Variants in KLHL11 observed in about 807,000 individuals in gnomAD.
KLHL11 encodes kelch like family member 11, also known as kelch-like protein 11.
Under a neutral mutation model 56.1 loss-of-function variants are expected in KLHL11, and 26 were observed. The ratio of observed to expected loss-of-function variants is 0.46; its 90% confidence interval spans 0.34 to 0.64. KLHL11 has a LOEUF of 0.64. Ranked by LOEUF, KLHL11 falls within the 30% of genes least tolerant of loss-of-function variation. The probability of loss-of-function intolerance (pLI) is 0.01; values close to 1 mark genes in which losing one functional copy is unlikely to be tolerated. For missense variants in KLHL11, 627 were observed against 919.4 expected, an observed-to-expected ratio of 0.68 and a Z score of 4.11; for synonymous variants, 338 against 345.8, an observed-to-expected ratio of 0.98 and a Z score of 0.25.
chr17:41,865,138 G>A lies in KLHL11; in HGVS notation c.233C>T (p.Ser78Leu). The A allele has an allele frequency of 6.2e-7, 1 of 1,610,348 alleles. No individual in the cohort carries two copies. Among genetic ancestry groups the A allele is most frequent in the Non-Finnish European group, 8.5e-7 (1 of 1,179,028 alleles). Residue 78 changes from serine to leucine, a missense_variant, in exon 1 of 2, where the codon TCA (serine) becomes TTA (leucine). Ser to Leu is a moderately radical substitution (Grantham distance 145, BLOSUM62 -2). Transcript: ENST00000319121. Reference protein sequence around the residue: ...AEDFECSSHCSELSWRQNEQR... With the variant: ...AEDFECSSHCLELSWRQNEQR... ...CTCGTTCTGCCGCCAGGACAGCTCT[G>A]AGCAGTGAGAGCTGCACTCGAAATC... is the stretch of plus-strand genomic sequence containing the variant.
chr17:41,862,454 G>A (rs372032089), intron 1 of KLHL11, among the ~76,000 whole-genome samples: 1 of 68,548 alleles, frequency 1.5e-5, no homozygotes, highest in African/African-American at 5.4e-5. Context: ...TTTTTTTTTT[G>A]TATTTTTAGT....
chr17:41,861,939 C>G (rs2048406056), intron 1 of KLHL11, among the ~76,000 whole-genome samples: 2 of 152,134 alleles, frequency 1.3e-5, no homozygotes, highest in Non-Finnish European at 2.9e-5. Flanking sequence ...GTTTCTGATC[C>G]TCTTTATAAA....
chr17:41,864,662 C>T (rs781862929), intron 1 of KLHL11, among the ~76,000 whole-genome samples, 164 bp downstream of exon 1: 92 of 152,390 alleles, frequency 6.0e-4, no homozygotes, highest in Middle Eastern at 3.4e-3. Flanking sequence ...TCCTCCTCGC[C>T]CACCGCGGTG....
chr17:41,857,150 C>T (rs750692452), intron 1 of KLHL11, among the ~76,000 whole-genome samples: 1 of 151,840 alleles, frequency 6.6e-6, no homozygotes, highest in Non-Finnish European at 1.5e-5. Context: ...AAGCTATAAT[C>T]GTGCCTGTGA....
rs1597945824 is a variant in KLHL11, at chr17:41,853,607, A to G, written c.*133T>C. ...CTCCCATTCTTTAGTTTTTAACTCT[A>G]TTTCCTTTATATGGGGTAATAATCA... On this transcript the variant is annotated 3_prime_UTR_variant, in exon 2 of 2. Coordinates refer to ENST00000319121, the MANE Select transcript of KLHL11 (RefSeq NM_018143.3). 1 of 1,066,994 alleles carries G rather than the reference A, an allele frequency of 9.4e-7. No individual in the cohort carries two copies. The highest frequency in any genetic ancestry group is 1.3e-6 in the Non-Finnish European group (1 of 764,850). 66.1% of individuals were successfully genotyped at this position (1,066,994 alleles called of 1,614,324 possible).
Position 41,865,322 on chromosome 17 carries a change from A to C in KLHL11, c.49T>G (p.Ser17Ala). The C allele has an allele frequency of 6.8e-7, 1 of 1,480,242 alleles. No individual in the cohort carries two copies. Among genetic ancestry groups the C allele is most frequent in the Non-Finnish European group, 8.8e-7 (1 of 1,130,882 alleles). 91.7% of individuals were successfully genotyped at this position (1,480,242 alleles called of 1,614,324 possible). A position where few individuals can be genotyped will look rare whatever the true frequency, so the allele number is the denominator to read the frequency against. ...AAAAAAAAAA[S>A]LQVLEMESME... ...CTCTCCATCTCCAGTACCTGAAGAG[A>C]TGCAGCCGCGGCCGCCGCCGCCGCC... Residue 17 changes from serine to alanine, a missense_variant, in exon 1 of 2, where the codon TCT (serine) becomes GCT (alanine). Around this residue, in one of 4 missense-constraint regions of KLHL11, gnomAD observed 121 missense variants for 116.2 expected, o/e 1.04. Transcript: ENST00000319121.
At chr17:41,856,870 A>G (rs1555622604) in intron 1 of KLHL11, among the ~76,000 whole-genome samples, 6 of 151,804 alleles carry the variant, frequency 4.0e-5, no homozygotes. Flanking sequence ...AAATACAAAA[A>G]TTAGCTGGGC....
intron 1 of KLHL11, among the ~76,000 whole-genome samples, chr17:41,864,016 C>T (rs1463269274): frequency 6.6e-6 from 1 of 152,212 alleles, no homozygotes; most frequent in African/African-American, 2.4e-5. Context: ...GGACTTTTGT[C>T]TGTTTTGATC....
chr17:41,859,423 G>T (rs1597949731), intron 1 of KLHL11, among the ~76,000 whole-genome samples: 1 of 152,022 alleles, frequency 6.6e-6, no homozygotes, highest in African/African-American at 2.4e-5. Flanking sequence ...AAATTAGCTG[G>T]GCGTGGTGGC....
Position 41,849,697 on chromosome 17 carries a change from A to G in KLHL11, c.*4043T>C, listed in dbSNP as rs1229221233. 3 of 152,226 alleles carry G rather than the reference A, an allele frequency of 2.0e-5. No homozygotes were observed. The highest frequency in any genetic ancestry group is 2.9e-5 in the Non-Finnish European group (2 of 68,028). The allele number at this position is 152,226 out of a possible 1,614,324, so 9.4% of individuals were successfully genotyped here. On this transcript the variant is annotated 3_prime_UTR_variant, in exon 2 of 2. Transcript: ENST00000319121. ...AAGATATTTTTGAACTGGCACAGCA[A>G]AAGCAAAGTTGAACATCATGATACA...
Position 41,854,942 on chromosome 17 carries a change from C to G in KLHL11, c.925G>C (p.Glu309Gln). The G allele has an allele frequency of 6.2e-7, 1 of 1,614,212 alleles. No homozygotes were observed. ...PTYLTRHVKP[E>Q]RLVANNEVCV... ...ACTTCATTATTGGCTACCAGCCTCT[C>G]TGGTTTGACATGTCGAGTAAGGTAG... The change falls in exon 2 of 2, where the codon GAG becomes CAG. Residue 309 changes from glutamate to glutamine, a missense_variant. Glu to Gln is a conservative substitution (Grantham distance 29). This residue lies in a region of KLHL11 where 106 missense variants were observed against 227.0 expected (regional missense o/e 0.47). Transcript: ENST00000319121. This position sits in a 1 kb window ranked among gnomAD's most constrained non-coding sequence, Gnocchi z 4.9.
intron 1 of KLHL11, among the ~76,000 whole-genome samples, chr17:41,859,177 T>C (rs1347177817): frequency 1.3e-5 from 2 of 152,062 alleles, no homozygotes; most frequent in Non-Finnish European, 2.9e-5. Context: ...CTGAATTGGG[T>C]TCTCATCAAA....
chr17:41,854,988 C>T lies in KLHL11; in HGVS notation c.879G>A (p.Arg293=), dbSNP rs781898129. Residue 293 remains arginine, a synonymous_variant, in exon 2 of 2, where the codon AGG becomes AGA. Coordinates refer to ENST00000319121, the MANE Select transcript of KLHL11 (RefSeq NM_018143.3). This position sits in a 1 kb window ranked among gnomAD's most constrained non-coding sequence, Gnocchi z 4.9. ...RYFEELFKLL[R]LSQMKPTYLT... is the part of the protein sequence containing the mutation. The stretch of plus-strand genomic sequence containing the variant: ...GGTAGGTAGGTTTCATCTGGGACAA[C>T]CTGAGCAATTTAAAAAGTTCTTCAA... The T allele has an allele frequency of 1.9e-6, 3 of 1,613,998 alleles. No homozygotes were observed. Among genetic ancestry groups the T allele is most frequent in the South Asian group, 1.1e-5 (1 of 91,090 alleles).
Position 41,854,050 on chromosome 17 carries a change from T to G in KLHL11, c.1817A>C (p.Tyr606Ser). The change falls in exon 2 of 2, where the codon TAT becomes TCT. Residue 606 changes from tyrosine (Y) to serine (S), a missense_variant. Coordinates refer to ENST00000319121, the MANE Select transcript of KLHL11 (RefSeq NM_018143.3). The surrounding 1 kb of genome is among the most constrained non-coding windows in gnomAD (Gnocchi z 4.9). The part of the protein sequence containing the change: ...VLSIEGAAIC[Y>S]YKDDVFIIGG... Reference sequence around the variant, plus strand: ...TATAATGAAGACATCATCTTTGTAATAGCAAATGGCTGCTCCTTCGATGCT... The same window carrying G: ...TATAATGAAGACATCATCTTTGTAAGAGCAAATGGCTGCTCCTTCGATGCT... 6.2e-7 allele frequency: 1 copy of G among 1,614,200 alleles called. No homozygotes were observed. The highest frequency in any genetic ancestry group is 8.5e-7 in the Non-Finnish European group (1 of 1,180,014).
At position 41,851,944 on chromosome 17, in the gene KLHL11, GCTAA is replaced by G. The variant is rs1555622057; in HGVS notation, c.*1792_*1795del. 6.6e-6 allele frequency among the ~76,000 whole-genome samples: 1 copy of G among 151,736 alleles called. No homozygotes were observed. The highest frequency in any genetic ancestry group is 1.9e-4 in the East Asian group (1 of 5,180). Reference sequence around the variant, plus strand: ...AAAAAAAAAAAAAGTCAATTTGAGTGCTAACTTTTATAAAGCTCAGGAGACATAA... The same window carrying G: ...AAAAAAAAAAAAAGTCAATTTGAGTGCTTTTATAAAGCTCAGGAGACATAA... On this transcript the variant is annotated 3_prime_UTR_variant, in exon 2 of 2. Transcript: ENST00000319121.
chr17:41,852,654 G>C lies in KLHL11; in HGVS notation c.*1086C>G, dbSNP rs183198604. ...AAAAGCACAAAAATTAGCCAGGCGTGATGGTGGGTACCTGTAATCCCAGCT... is the reference window on the plus strand; with the variant it reads ...AAAAGCACAAAAATTAGCCAGGCGTCATGGTGGGTACCTGTAATCCCAGCT... On this transcript the variant is annotated 3_prime_UTR_variant, in exon 2 of 2. Transcript: ENST00000319121. Among the ~76,000 whole-genome samples the C allele has an allele frequency of 4.3e-3, 660 of 151,908 alleles. 4 individuals carry two copies. Among genetic ancestry groups the C allele is most frequent in the African/African-American group, 0.015 (630 of 41,422 alleles).
rs1172871961 is a variant in KLHL11, at chr17:41,858,408, TTTG to T, written c.546-3090_546-3088del. 7.8e-3 allele frequency among the ~76,000 whole-genome samples: 1,129 copies of T among 144,022 alleles called. 13 individuals carry two copies. The highest frequency in any genetic ancestry group is 0.026 in the African/African-American group (1,019 of 39,028). The allele number at this position is 144,022 out of a possible 152,430, so 94.5% of individuals were successfully genotyped here. On this transcript the variant is annotated intron_variant, in intron 1 of 1. Coordinates refer to ENST00000319121, the MANE Select transcript of KLHL11 (RefSeq NM_018143.3). ...AACCCAGATATATATATATATATTT[TTTG>T]TTGTTGTTGTTGTTGTTGTTGTTGT... is the stretch of plus-strand genomic sequence containing the variant.
chr17:41,860,945 CTTT>C (rs1481926467), intron 1 of KLHL11, among the ~76,000 whole-genome samples: 1 of 152,144 alleles, frequency 6.6e-6, no homozygotes, highest in South Asian at 2.1e-4. Flanking sequence ...GAAGAGCTGT[CTTT>C]TGTGGGGGCG....
chr17:41,857,961 C>A (rs576188414), intron 1 of KLHL11, among the ~76,000 whole-genome samples: 1 of 152,054 alleles, frequency 6.6e-6, no homozygotes, highest in Non-Finnish European at 1.5e-5. Flanking sequence ...GGATTACAGG[C>A]GCGCGCCACC....
Sources: allele counts gnomAD v4.1 joint callset (sites outside exome capture counted in the v4.1 genomes callset), GRCh38; gene constraint gnomAD v4.1.1; regional missense constraint gnomAD v4.1.1; non-coding constraint Gnocchi (gnomAD v3.1); transcripts MANE v1.5; gene names NCBI Gene and HGNC (gene_info 2026-07-23, HGNC 2026-07-21).